UBR3: variants seen among roughly 807,000 people sequenced by gnomAD.
UBR3 encodes the protein E3 ubiquitin-protein ligase UBR3.
In UBR3, 85 loss-of-function variants were observed where a neutral mutation model predicts 243.2. The ratio of observed to expected loss-of-function variants is 0.35; its 90% CI spans 0.29 to 0.42. UBR3 has a LOEUF of 0.42. Among genes scored for constraint, UBR3 ranks in the 10% least tolerant of loss-of-function variants. UBR3 has a pLI of 1.00. For synonymous variants in UBR3, 748 were observed against 799.8 expected, an observed-to-expected ratio of 0.94 and a Z score of 1.09; for missense variants, 1,686 against 2,300.8, an observed-to-expected ratio of 0.73 and a Z score of 5.47.
chr2:170,063,781 C>T (rs1162589235), intron 35 of UBR3, among the ~76,000 whole-genome samples: 1 of 152,154 alleles, frequency 6.6e-6, no homozygotes, highest in African/African-American at 2.4e-5. Flanking sequence ...CTGCCTCCAA[C>T]TCTTTGCTTC....
rs569063992 is a variant in UBR3, at chr2:170,022,840, A to G, written c.4454-6506A>G. ...AGAGATGAGTCAGCTCCTGTCATCC[A>G]TGGCATCAACCTTCTGTCTCTTGGG... On this transcript the variant is annotated intron_variant, in intron 30 of 38. Transcript: ENST00000272793. Among the ~76,000 whole-genome samples, 5 of 152,212 alleles carry G rather than the reference A, an allele frequency of 3.3e-5. No individual in the cohort carries two copies. The South Asian group carries it at 1.0e-3, about 32-fold the overall frequency.
chr2:169,973,498 C>G (rs1219756382), intron 24 of UBR3, among the ~76,000 whole-genome samples: 1 of 151,984 alleles, frequency 6.6e-6, no homozygotes, highest in Non-Finnish European at 1.5e-5. Flanking sequence ...AGGCATCACA[C>G]TACCTGACTT....
chr2:169,874,995 A>AGCT (rs1354010321), intron 2 of UBR3, among the ~76,000 whole-genome samples: 1 of 106,044 alleles, frequency 9.4e-6, no homozygotes, highest in East Asian at 2.7e-4. Flanking sequence ...TTGTTGTCCA[A>AGCT]GCTTTTCTTT....
intron 38 of UBR3, among the ~76,000 whole-genome samples, chr2:170,081,195 G>C (rs535134251): frequency 8.5e-4 from 129 of 151,358 alleles, no homozygotes; most frequent in African/African-American, 3.0e-3. Flanking sequence ...TCTCAAAAAA[G>C]AATCTAGTAA....
chr2:170,024,655 T>C (rs1450601366), intron 30 of UBR3, among the ~76,000 whole-genome samples: 1 of 152,148 alleles, frequency 6.6e-6, no homozygotes, highest in Non-Finnish European at 1.5e-5. Flanking sequence ...TTAATGTTGA[T>C]AAAGGTAGAG....
At chr2:169,967,271 C>G (rs1157855675) in intron 24 of UBR3, among the ~76,000 whole-genome samples, 3 of 144,244 alleles carry the variant, frequency 2.1e-5, no homozygotes, top group African/African-American at 7.7e-5. Flanking sequence ...CCCCGCCCCC[C>G]CCCACACACA....
At chr2:169,868,782 T>C (rs1326377975) in intron 1 of UBR3, among the ~76,000 whole-genome samples, 1 of 152,240 alleles carries the variant, frequency 6.6e-6, no homozygotes, top group East Asian at 1.9e-4. Flanking sequence ...ATAATCAGAT[T>C]CCCTCGGAAA....
intron 1 of UBR3, among the ~76,000 whole-genome samples, chr2:169,839,159 A>G (rs1270260139): frequency 6.6e-6 from 1 of 152,266 alleles, no homozygotes; most frequent in Non-Finnish European, 1.5e-5. Context: ...AAAATGTGGT[A>G]TATATGCACA....
chr2:169,995,538 C>T (rs1417552916), intron 26 of UBR3, among the ~76,000 whole-genome samples: 1 of 152,148 alleles, frequency 6.6e-6, no homozygotes, highest in Non-Finnish European at 1.5e-5. Flanking sequence ...ACATCATCTG[C>T]TTAAAGTCAC....
Position 170,080,041 on chromosome 2 carries a change from A to C in UBR3, c.5409+18A>C, listed in dbSNP as rs1306184254. Reference sequence around the variant, plus strand: ...GTGTACTGGTAAGCAATAGTAGATAATACAAAATTTATGAAAACACAGATC... The same window carrying C: ...GTGTACTGGTAAGCAATAGTAGATACTACAAAATTTATGAAAACACAGATC... On this transcript the variant is annotated intron_variant, in intron 37 of 38. Coordinates refer to ENST00000272793, the MANE Select transcript of UBR3 (RefSeq NM_172070.4). 2.5e-6 allele frequency: 4 copies of C among 1,594,286 alleles called. No homozygotes were observed. In the Admixed American group the frequency reaches 7.3e-5, roughly 29 times the overall value.
intron 24 of UBR3, among the ~76,000 whole-genome samples, chr2:169,977,682 G>A (rs944691127): frequency 6.6e-6 from 1 of 152,154 alleles, no homozygotes; most frequent in African/African-American, 2.4e-5. Flanking sequence ...CTGTTGGATA[G>A]TGCTCGCCCA....
chr2:170,044,726 C>T (rs748836100), intron 32 of UBR3, among the ~76,000 whole-genome samples: 7 of 152,096 alleles, frequency 4.6e-5, no homozygotes, highest in African/African-American at 7.2e-5. Context: ...GTAGGCAGGC[C>T]GGACACTTCT....
chr2:169,972,405 C>T (rs2088202683), intron 24 of UBR3, among the ~76,000 whole-genome samples: 1 of 152,282 alleles, frequency 6.6e-6, no homozygotes, highest in African/African-American at 2.4e-5. Context: ...TCCTCCCTAA[C>T]TCTTTTTATG....
chr2:170,006,797 G>A (rs968123298), intron 27 of UBR3, among the ~76,000 whole-genome samples, 193 bp from the exon 28 acceptor site: 2 of 152,164 alleles, frequency 1.3e-5, no homozygotes, highest in Non-Finnish European at 2.9e-5. Flanking sequence ...CAAGTGTTAC[G>A]TAATTGCTAT....
intron 8 of UBR3, among the ~76,000 whole-genome samples, chr2:169,902,493 AG>A (rs1434436506): frequency 6.6e-6 from 1 of 152,108 alleles, no homozygotes. Flanking sequence ...ACCTTTTCTT[AG>A]GTACTGCTCC....
At chr2:169,905,325 G>A in intron 9 of UBR3, 32 bp downstream of exon 9, 2 of 1,412,772 alleles carry the variant, frequency 1.4e-6, no homozygotes, top group Non-Finnish European at 1.9e-6. Flanking sequence ...TAATTTTTTG[G>A]TTTACAAAAT....
intron 26 of UBR3, among the ~76,000 whole-genome samples, chr2:169,995,172 T>C (rs2089434655): frequency 6.6e-6 from 1 of 152,088 alleles, no homozygotes; most frequent in South Asian, 2.1e-4. Context: ...ATAATAACGA[T>C]GTGGTATGAA....
intron 24 of UBR3, among the ~76,000 whole-genome samples, chr2:169,976,318 T>A (rs572623991): frequency 1.5e-3 from 225 of 152,194 alleles, no homozygotes; most frequent in African/African-American, 5.1e-3. Flanking sequence ...TTTTTTTTTT[T>A]ATTTCTACTA....
chr2:169,912,141 G>GT, intron 10 of UBR3, among the ~76,000 whole-genome samples: 1 of 152,262 alleles, frequency 6.6e-6, no homozygotes, highest in Non-Finnish European at 1.5e-5. Context: ...TAGCTGATGA[G>GT]TTTAACTCAC....
Sources: gnomAD v4.1 joint callset for allele counts (sites outside exome capture counted in the v4.1 genomes callset) on GRCh38, gnomAD v4.1.1 for gene constraint, MANE v1.5 for transcripts, NCBI Gene and HGNC (gene_info 2026-07-23, HGNC 2026-07-21) for gene names.